The following CUL7 variants were observed in gnomAD, a reference collection of about 807,000 sequenced individuals.
CUL7 encodes the protein cullin-7.
A neutral mutation model predicts 177.7 loss-of-function variants in CUL7; 96 were observed. The ratio of observed to expected loss-of-function variants is 0.54; its 90% CI spans 0.46 to 0.64. CUL7 has a LOEUF of 0.64. Ranked by LOEUF, CUL7 falls within the 30% of genes least tolerant of loss-of-function variation. CUL7 has a pLI of 0.00. For synonymous variants in CUL7, 824 were observed against 890.2 expected, an observed-to-expected ratio of 0.93 and a Z score of 1.32; for missense variants, 1,893 against 2,187.9, an observed-to-expected ratio of 0.87 and a Z score of 2.69.
chr6:43,040,870 T>A lies in CUL7; in HGVS notation c.3806+45A>T, dbSNP rs1250183000. 6 of 1,608,176 alleles carry A rather than the reference T, an allele frequency of 3.7e-6. No individual in the cohort carries two copies. The highest frequency in any genetic ancestry group is 1.3e-5 in the African/African-American group (1 of 74,800). On this transcript the variant is annotated intron_variant, in intron 20 of 25. Coordinates refer to ENST00000265348, the MANE Select transcript of CUL7 (RefSeq NM_014780.5). The surrounding 1 kb of genome is among the most constrained non-coding windows in gnomAD (Gnocchi z 4.2). ...GGCCCATGAGCTGGCTCTGCCACCATCATCCTGCCTCCCGCCAGCTCCCGC... is the reference window on the plus strand; with the variant it reads ...GGCCCATGAGCTGGCTCTGCCACCAACATCCTGCCTCCCGCCAGCTCCCGC...
In CUL7 at chr6:43,040,244, G is replaced by C; in HGVS notation, c.4206C>G (p.Ala1402=). ...TGGGGTTCAGTGTGTGGCAGATTGAGGCAACAGGCCAGGAGTGTCGGGACA... is the reference window on the plus strand; with the variant it reads ...TGGGGTTCAGTGTGTGGCAGATTGACGCAACAGGCCAGGAGTGTCGGGACA... The part of the protein sequence containing the change: ...LVLSRHSWPV[A]SICHTLNPRT... Residue 1402 remains alanine (A), a synonymous_variant, in exon 22 of 26, where the codon GCC becomes GCG. Coordinates refer to ENST00000265348, the MANE Select transcript of CUL7 (RefSeq NM_014780.5). The surrounding 1 kb of genome is among the most constrained non-coding windows in gnomAD (Gnocchi z 4.2). The C allele has an allele frequency of 6.2e-7, 1 of 1,614,164 alleles. No individual in the cohort carries two copies. Among genetic ancestry groups the C allele is most frequent in the Non-Finnish European group, 8.5e-7 (1 of 1,180,024 alleles).
chr6:43,049,670 C>T lies in CUL7; in HGVS notation c.1570-8G>A, dbSNP rs372757013. ...GATCTCATCATCCAGAATCTGCCAT[C>T]AAGGAGAAGCTCTCACTGCAGACAG... On this transcript the variant is annotated splice_polypyrimidine_tract_variant and splice_region_variant and intron_variant, in intron 6 of 25. Transcript: ENST00000265348. The T allele has an allele frequency of 2.0e-5, 33 of 1,613,788 alleles. No homozygotes were observed. The African/African-American group carries it at 4.1e-4, about 20-fold the overall frequency.
intron 8 of CUL7, 36 bp from the exon 9 acceptor site, chr6:43,048,289 C>G: frequency 4.4e-6 from 7 of 1,591,480 alleles, no homozygotes; most frequent in Non-Finnish European, 6.0e-6. Flanking sequence ...GCCTCATGGA[C>G]CCCCTTTGCC....
In CUL7 at chr6:43,037,740, C is replaced by T; in HGVS notation, c.5045G>A (p.Gly1682Asp). ...GGCAGTGCAGGAGGCATAGGGCACA[C>T]CCCGGGAGCGAATCTGTAGGGTATG... is the stretch of plus-strand genomic sequence containing the variant. The part of the protein sequence containing the change: ...TFHTLQIRSR[G>D]VPYASCTATQ... The change falls in exon 26 of 26, where the codon GGT becomes GAT. Residue 1682 changes from glycine to aspartate, a missense_variant. Gly to Asp is a moderately conservative substitution (Grantham distance 94, BLOSUM62 -1). This residue lies in a region of CUL7 where 248 missense variants were observed against 262.5 expected (regional missense o/e 0.94). Coordinates refer to ENST00000265348, the MANE Select transcript of CUL7 (RefSeq NM_014780.5). 1 of 1,570,618 alleles carries T rather than the reference C, an allele frequency of 6.4e-7. No homozygotes were observed. Among genetic ancestry groups the T allele is most frequent in the South Asian group, 1.2e-5 (1 of 85,692 alleles).
In CUL7 at chr6:43,046,573, C is replaced by A; in HGVS notation, c.2426G>T (p.Arg809Ile). 6.2e-7 allele frequency: 1 copy of A among 1,614,094 alleles called. No individual in the cohort carries two copies. The highest frequency in any genetic ancestry group is 8.5e-7 in the Non-Finnish European group (1 of 1,180,004). Reference protein sequence around the residue: ...QMVLGQIEDHRRTHQPINIPF... With the variant: ...QMVLGQIEDHIRTHQPINIPF... ...GATGTTGATGGGTTGGTGGGTTCGTCTGTGGTCTTCGATCTGGCCCAGCAC... is the reference window on the plus strand; with the variant it reads ...GATGTTGATGGGTTGGTGGGTTCGTATGTGGTCTTCGATCTGGCCCAGCAC... The change falls in exon 11 of 26, where the codon AGA becomes ATA. Residue 809 changes from arginine to isoleucine, a missense_variant. Physicochemically the swap from Arg to Ile is moderately conservative, Grantham distance 97. This residue lies in a region of CUL7 where 973 missense variants were observed against 1,140.9 expected (regional missense o/e 0.85). Transcript: ENST00000265348.
Position 43,051,367 on chromosome 6 carries a change from G to A in CUL7, c.834C>T (p.Asn278=). Residue 278 remains asparagine (N), a synonymous_variant, in exon 4 of 26, where the codon AAC becomes AAT. Coordinates refer to ENST00000265348, the MANE Select transcript of CUL7 (RefSeq NM_014780.5). The surrounding 1 kb of genome is among the most constrained non-coding windows in gnomAD (Gnocchi z 5.0). The stretch of plus-strand genomic sequence containing the variant: ...CACTCAACTCCTCAGGAGCAGAGGT[G>A]TTCTGGGCTCCTGGCTCCGCAGCAC... ...NDSAAEPGAQ[N]TSAPEELSGE... The A allele has an allele frequency of 6.2e-7, 1 of 1,614,036 alleles. No individual in the cohort carries two copies. Among genetic ancestry groups the A allele is most frequent in the South Asian group, 1.1e-5 (1 of 91,082 alleles).
chr6:43,037,699 T>C lies in CUL7; in HGVS notation c.5086A>G (p.Thr1696Ala). Residue 1696 changes from threonine (T) to alanine (A), a missense_variant, in exon 26 of 26, where the codon ACC (threonine) becomes GCC (alanine). Physicochemically the swap from Thr to Ala is moderately conservative, Grantham distance 58. Coordinates refer to ENST00000265348, the MANE Select transcript of CUL7 (RefSeq NM_014780.5). ...CCCCAAGTCTAGGGCTACCGGAAGG[T>C]AGAGAAGCTCTGGGTGGCAGTGCAG... is the stretch of plus-strand genomic sequence containing the variant. Reference protein sequence around the residue: ...ASCTATQSFSTFR With the variant: ...ASCTATQSFSAFR The C allele has an allele frequency of 6.4e-7, 1 of 1,555,472 alleles. No homozygotes were observed. Among genetic ancestry groups the C allele is most frequent in the East Asian group, 2.4e-5 (1 of 41,368 alleles).
rs529989334 is a variant in CUL7 at position 43,043,663 on chromosome 6, C to G, written c.3173-33G>C. On this transcript the variant is annotated intron_variant, in intron 16 of 25. Transcript: ENST00000265348. This position sits in a 1 kb window ranked among gnomAD's most constrained non-coding sequence, Gnocchi z 4.2. ...GTGAGATAAACAAACCAAGGCACAG[C>G]CATGTCTGCAGGGAAGTGGGAGTGG... The G allele has an allele frequency of 6.8e-7, 1 of 1,460,606 alleles. No individual in the cohort carries two copies. Among genetic ancestry groups the G allele is most frequent in the Admixed American group, 1.9e-5 (1 of 52,622 alleles). The allele number at this position is 1,460,606 out of a possible 1,614,324, so 90.5% of individuals were successfully genotyped here.
Position 43,051,580 on chromosome 6 carries a change from A to G in CUL7, c.732+32T>C. The G allele has an allele frequency of 6.2e-7, 1 of 1,614,116 alleles. No individual in the cohort carries two copies. Among genetic ancestry groups the G allele is most frequent in the Non-Finnish European group, 8.5e-7 (1 of 1,180,028 alleles). On this transcript the variant is annotated intron_variant, in intron 3 of 25. Coordinates refer to ENST00000265348, the MANE Select transcript of CUL7 (RefSeq NM_014780.5). This position sits in a 1 kb window ranked among gnomAD's most constrained non-coding sequence, Gnocchi z 5.0. ...GCCTGGACCCTAGATCTTGTTCACA[A>G]GTTCCCCCCACCTTACACCCCCAAA...
At position 43,050,876 on chromosome 6, in the gene CUL7, G is replaced by A. The variant is rs1265071541; in HGVS notation, c.1233+92C>T. Reference sequence around the variant, plus strand: ...ATCTTACCTAAAGCTTTCTCTTTGGGTGGCCTGCTGGAGCCCCCCCATATA... The same window carrying A: ...ATCTTACCTAAAGCTTTCTCTTTGGATGGCCTGCTGGAGCCCCCCCATATA... On this transcript the variant is annotated intron_variant, in intron 4 of 25. Transcript: ENST00000265348. This position sits in a 1 kb window ranked among gnomAD's most constrained non-coding sequence, Gnocchi z 4.1. The A allele has an allele frequency of 6.7e-7, 1 of 1,487,112 alleles. No homozygotes were observed. The highest frequency in any genetic ancestry group is 9.3e-7 in the Non-Finnish European group (1 of 1,079,550). 92.1% of individuals were successfully genotyped at this position (1,487,112 alleles called of 1,614,324 possible).
In CUL7 at chr6:43,048,334, C is replaced by T. The variant is rs1764098063; in HGVS notation, c.2061G>A (p.Leu687=). ...CCCACCTGTCACCATGCTCTCACCT[C>T]AGCACAGTCAGGTGCAGGGTCCTGT... ...ETNRTLHLTV[L]RILKQLVDFP... The change falls in exon 8 of 26, where the codon CTG becomes CTA. Residue 687 remains leucine, a splice_region_variant and synonymous_variant. Coordinates refer to ENST00000265348, the MANE Select transcript of CUL7 (RefSeq NM_014780.5). 2 of 1,607,158 alleles carry T rather than the reference C, an allele frequency of 1.2e-6. No individual in the cohort carries two copies.
In CUL7 at chr6:43,037,953, C is replaced by T; in HGVS notation, c.4832G>A (p.Gly1611Asp). ...CPPRGLVSSL[G>D]KGSACSSTDV... ...AGTGCTGCTGCATGCAGACCCCTTA[C>T]CAAGGCTGCTGACCAAACCCCTGGG... Residue 1611 changes from glycine to aspartate, a missense_variant, in exon 26 of 26, where the codon GGT becomes GAT. This residue lies in a region of CUL7 where 248 missense variants were observed against 262.5 expected (regional missense o/e 0.94). Coordinates refer to ENST00000265348, the MANE Select transcript of CUL7 (RefSeq NM_014780.5). 6.3e-7 allele frequency: 1 copy of T among 1,598,354 alleles called. No individual in the cohort carries two copies. The highest frequency in any genetic ancestry group is 1.7e-4 in the Middle Eastern group (1 of 5,984).
rs758302345 is a variant in CUL7, at chr6:43,051,062, C to G, written c.1139G>C (p.Gly380Ala). 1 of 1,614,174 alleles carries G rather than the reference C, an allele frequency of 6.2e-7. No individual in the cohort carries two copies. Among genetic ancestry groups the G allele is most frequent in the South Asian group, 1.1e-5 (1 of 91,088 alleles). The change falls in exon 4 of 26, where the codon GGG (glycine) becomes GCG (alanine). Residue 380 changes from glycine to alanine, a missense_variant. By Grantham distance (60) the Gly-to-Ala change is moderately conservative. Transcript: ENST00000265348. This position sits in a 1 kb window ranked among gnomAD's most constrained non-coding sequence, Gnocchi z 5.0. The part of the protein sequence containing the change: ...ALYVRDTLQP[G>A]MRVRMLDDYE... The stretch of plus-strand genomic sequence containing the variant: ...ATCATCCAGCATCCGCACTCGCATC[C>G]CCGGCTGCAGTGTGTCCCGCACATA...
chr6:43,046,667 C>G (rs756129733), intron 10 of CUL7, 66 bp from the exon 11 acceptor site: 2 of 1,602,140 alleles, frequency 1.2e-6, no homozygotes, highest in Middle Eastern at 1.7e-4. Flanking sequence ...CACACGGAAA[C>G]ACGGATGAAG....
rs1232298626 is a variant in CUL7, at chr6:43,045,778, C to T, written c.2767-96G>A. ...TCACTGTTTCCCTCCCTTCCCCAGC[C>T]CTGGGATGTGTAGGGTCCTGACAAA... On this transcript the variant is annotated intron_variant, in intron 13 of 25. Coordinates refer to ENST00000265348, the MANE Select transcript of CUL7 (RefSeq NM_014780.5). This position sits in a 1 kb window ranked among gnomAD's most constrained non-coding sequence, Gnocchi z 4.8. 5.0e-6 allele frequency: 7 copies of T among 1,405,874 alleles called. No homozygotes were observed. The highest frequency in any genetic ancestry group is 7.0e-6 in the Non-Finnish European group (7 of 999,316). The allele number at this position is 1,405,874 out of a possible 1,614,324, so 87.1% of individuals were successfully genotyped here.
chr6:43,042,376 G>A (rs993847005), intron 19 of CUL7, among the ~76,000 whole-genome samples: 4 of 151,470 alleles, frequency 2.6e-5, no homozygotes, highest in African/African-American at 9.7e-5. Context: ...GCTCTGTCAC[G>A]CAGGCTGGAG....
chr6:43,053,374 AG>A lies in CUL7; in HGVS notation c.-9+247del, dbSNP rs1293474553. On this transcript the variant is annotated intron_variant, in intron 1 of 25. Coordinates refer to ENST00000265348, the MANE Select transcript of CUL7 (RefSeq NM_014780.5). The surrounding 1 kb of genome is among the most constrained non-coding windows in gnomAD (Gnocchi z 4.1). ...CTCCGACTGGAGCAACTGGAACAAG[AG>A]GGCTGGTGAGGGCGCCGCGAGACCC... Among the ~76,000 whole-genome samples, 1 of 151,988 alleles carries A rather than the reference AG, an allele frequency of 6.6e-6. No individual in the cohort carries two copies. Among genetic ancestry groups the A allele is most frequent in the African/African-American group, 2.4e-5 (1 of 41,346 alleles).
chr6:43,045,085 C>T lies in CUL7; in HGVS notation c.3038+142G>A. The T allele has an allele frequency of 1.5e-6, 2 of 1,339,130 alleles. No individual in the cohort carries two copies. The highest frequency in any genetic ancestry group is 2.1e-6 in the Non-Finnish European group (2 of 965,628). The allele number at this position is 1,339,130 out of a possible 1,614,324, so 83.0% of individuals were successfully genotyped here. On this transcript the variant is annotated intron_variant, in intron 15 of 25. Coordinates refer to ENST00000265348, the MANE Select transcript of CUL7 (RefSeq NM_014780.5). The surrounding 1 kb of genome is among the most constrained non-coding windows in gnomAD (Gnocchi z 4.8). ...TTTTCTCTTTATCCTTTCTTCCCCT[C>T]CCACAGCTCAGAAAACTCCAGCCCC...
rs1764504794 is a variant in CUL7 at position 43,052,499 on chromosome 6, C to A, written c.290G>T (p.Gly97Val). The A allele has an allele frequency of 6.2e-7, 1 of 1,614,104 alleles. No homozygotes were observed. Among genetic ancestry groups the A allele is most frequent in the African/African-American group, 1.3e-5 (1 of 74,946 alleles). The change falls in exon 2 of 26, where the codon GGG (glycine) becomes GTG (valine). Residue 97 changes from glycine (G) to valine (V), a missense_variant. By Grantham distance (109) the Gly-to-Val change is moderately radical. Around this residue, in one of 5 missense-constraint regions of CUL7, gnomAD observed 653 missense variants for 725.2 expected, o/e 0.90. Coordinates refer to ENST00000265348, the MANE Select transcript of CUL7 (RefSeq NM_014780.5). The surrounding 1 kb of genome is among the most constrained non-coding windows in gnomAD (Gnocchi z 4.5). Reference protein sequence around the residue: ...QVIGPSQESAGEVGALDKSVL... With the variant: ...QVIGPSQESAVEVGALDKSVL... ...AGATTTGTCCAGGGCCCCAACCTCC[C>A]CTGCAGACTCCTGGGAGGGCCCGAT... is the stretch of plus-strand genomic sequence containing the variant.
Sources: allele counts gnomAD v4.1 joint callset (sites outside exome capture counted in the v4.1 genomes callset), GRCh38; gene constraint gnomAD v4.1.1; regional missense constraint gnomAD v4.1.1; non-coding constraint Gnocchi (gnomAD v3.1); transcripts MANE v1.5; gene names NCBI Gene and HGNC (gene_info 2026-07-23, HGNC 2026-07-21).